The following OPA1 variants were observed in gnomAD, a reference collection of about 807,000 sequenced individuals.
The protein encoded by OPA1 is dynamin-like GTPase OPA1, mitochondrial.
In OPA1, 59 loss-of-function variants were observed where a neutral mutation model predicts 152.9. The ratio of observed to expected loss-of-function variants is 0.39; its 90% CI spans 0.31 to 0.48. The LOEUF (loss-of-function observed/expected upper bound fraction) is 0.48. Among genes scored for constraint, OPA1 ranks in the 20% least tolerant of loss-of-function variants. The probability of loss-of-function intolerance (pLI) is 0.96; values close to 1 mark genes in which losing one functional copy is unlikely to be tolerated. For missense variants in OPA1, 1,008 were observed against 1,216.8 expected (o/e 0.83, Z 2.55); for synonymous variants, 400 against 389.9 (o/e 1.03, Z -0.31).
At chr3:193,633,774 C>A (rs1732483216) in intron 8 of OPA1, among the ~76,000 whole-genome samples, 2 of 152,216 alleles carry the variant, frequency 1.3e-5, no homozygotes, top group Non-Finnish European at 2.9e-5. Context: ...AACCTCACTT[C>A]AGGCCAGCCA....
intron 1 of OPA1, among the ~76,000 whole-genome samples, chr3:193,607,168 C>T (rs1445827772): frequency 6.6e-6 from 1 of 152,164 alleles, no homozygotes; most frequent in Non-Finnish European, 1.5e-5. Context: ...TGGATATTAG[C>T]CCTTTGTCAG....
rs2887062 is a variant in OPA1, at chr3:193,596,335, C to T, written c.32+2926C>T. Among the ~76,000 whole-genome samples the T allele has an allele frequency of 3.9e-3, 490 of 126,576 alleles. 1 individual carries two copies. The highest frequency in any genetic ancestry group is 6.0e-3 in the Non-Finnish European group (349 of 57,854). The allele number at this position is 126,576 out of a possible 152,430, so 83.0% of individuals were successfully genotyped here. On this transcript the variant is annotated intron_variant, in intron 1 of 30. Transcript: ENST00000361510. ...CCTTTCCTTTCCTTTCCTTTCCTTT[C>T]CTTTTCTTTTCTTTTCTTTTCTTTT...
intron 29 of OPA1, among the ~76,000 whole-genome samples, chr3:193,678,314 G>GTT (rs368565789): frequency 6.2e-5 from 9 of 145,634 alleles, no homozygotes; most frequent in African/African-American, 2.0e-4. Context: ...GAATTTGAGG[G>GTT]TTTTTTTTTT....
intron 1 of OPA1, chr3:193,596,893 CTAT>C (rs1725695692): frequency 6.6e-6 from 1 of 152,170 alleles, no homozygotes; most frequent in Non-Finnish European, 1.5e-5. Flanking sequence ...TGTGAATTCC[CTAT>C]TAACACCAAA....
chr3:193,620,071 G>T (rs532686452), intron 6 of OPA1, among the ~76,000 whole-genome samples: 15 of 151,962 alleles, frequency 9.9e-5, no homozygotes, highest in African/African-American at 3.6e-4. Context: ...ATGCTACTGG[G>T]GGAAAAAAAA....
At chr3:193,679,911 A>G (rs1458458759) in intron 29 of OPA1, among the ~76,000 whole-genome samples, 1 of 152,200 alleles carries the variant, frequency 6.6e-6, no homozygotes, top group African/African-American at 2.4e-5. Flanking sequence ...TTAGTTTAGA[A>G]GTTATTTTTA....
chr3:193,600,037 A>G (rs1421777501), intron 1 of OPA1, among the ~76,000 whole-genome samples: 1 of 152,208 alleles, frequency 6.6e-6, no homozygotes, highest in East Asian at 1.9e-4. Flanking sequence ...CTGTTATTAC[A>G]GATGCATACT....
intron 1 of OPA1, among the ~76,000 whole-genome samples, chr3:193,599,512 T>C (rs1726140642): frequency 6.6e-6 from 1 of 152,032 alleles, no homozygotes; most frequent in South Asian, 2.1e-4. Flanking sequence ...CAAGGTGCAG[T>C]ATCATCCTGG....
At position 193,659,065 on chromosome 3, in the gene OPA1, A is replaced by T. The variant is rs575302928; in HGVS notation, c.2440+70A>T. 2.1e-5 allele frequency: 21 copies of T among 978,642 alleles called. No homozygotes were observed. The African/African-American group carries it at 2.5e-4, about 12-fold the overall frequency. 60.6% of individuals were successfully genotyped at this position (978,642 alleles called of 1,614,324 possible). A position where few individuals can be genotyped will look rare whatever the true frequency, so the allele number is the denominator to read the frequency against. On this transcript the variant is annotated intron_variant, in intron 24 of 30. Transcript: ENST00000361510. ...AAGGAGTCATCCAACTTTAGTGAAC[A>T]TTTGTAGAAATAGATTGAACATTTC...
At chr3:193,692,600 C>G (rs1721836188) in intron 30 of OPA1, among the ~76,000 whole-genome samples, 1 of 152,098 alleles carries the variant, frequency 6.6e-6, no homozygotes, top group Admixed American at 6.5e-5. Context: ...AGTGTTTTTC[C>G]TACTTAATTT....
chr3:193,664,932 T>C lies in OPA1; in HGVS notation c.2714T>C (p.Leu905Pro). The C allele has an allele frequency of 6.2e-7, 1 of 1,609,404 alleles. No homozygotes were observed. The highest frequency in any genetic ancestry group is 8.5e-7 in the Non-Finnish European group (1 of 1,176,224). Reference sequence around the variant, plus strand: ...AGAAGACATTTTTTAAAAACAGCTCTAAACCATTGTAACCTTTGTCGAAGA... The same window carrying C: ...AGAAGACATTTTTTAAAAACAGCTCCAAACCATTGTAACCTTTGTCGAAGA... ...VYRRHFLKTA[L>P]NHCNLCRRGF... Residue 905 changes from leucine to proline, a missense_variant, in exon 27 of 31, where the codon CTA becomes CCA. By Grantham distance (98) the Leu-to-Pro change is moderately conservative. Transcript: ENST00000361510.
At chr3:193,662,703 T>G in intron 25 of OPA1, 119 bp from the exon 26 acceptor site, 1 of 810,576 alleles carries the variant, frequency 1.2e-6, no homozygotes, top group South Asian at 1.7e-5. Flanking sequence ...TCTTGTTTGT[T>G]GTGATTAAGC....
intron 1 of OPA1, among the ~76,000 whole-genome samples, chr3:193,602,463 A>G (rs1726610397): frequency 6.6e-6 from 1 of 152,182 alleles, no homozygotes; most frequent in Non-Finnish European, 1.5e-5. Context: ...CTTTGGCGTA[A>G]TACATTAAAG....
At chr3:193,632,776 G>A (rs1430241835) in intron 8 of OPA1, among the ~76,000 whole-genome samples, 3 of 151,994 alleles carry the variant, frequency 2.0e-5, no homozygotes, top group Admixed American at 6.6e-5. Flanking sequence ...AGGCTAAGGC[G>A]GGAGGATCAC....
In OPA1 at chr3:193,618,949, G is replaced by C. The variant is rs561115644; in HGVS notation, c.678+13G>C. On this transcript the variant is annotated intron_variant, in intron 6 of 30. Transcript: ENST00000361510. Reference sequence around the variant, plus strand: ...GCATTTTAGAAAGGTAAGTGTAAAAGAGAATTGTTCATGTAGGTAGTCTTG... The same window carrying C: ...GCATTTTAGAAAGGTAAGTGTAAAACAGAATTGTTCATGTAGGTAGTCTTG... The C allele has an allele frequency of 8.6e-5, 138 of 1,605,502 alleles. No individual in the cohort carries two copies. In the East Asian group the frequency reaches 2.3e-3, roughly 26 times the overall value.
intron 6 of OPA1, 70 bp downstream of exon 6, chr3:193,619,006 A>G: frequency 8.2e-7 from 1 of 1,216,868 alleles, no homozygotes; most frequent in Non-Finnish European, 1.2e-6. Context: ...CTTCTTTGGA[A>G]GATTTTAAAA....
intron 29 of OPA1, among the ~76,000 whole-genome samples, chr3:193,687,740 C>T (rs1450947500): frequency 6.6e-6 from 1 of 152,154 alleles, no homozygotes; most frequent in Admixed American, 6.5e-5. Context: ...AGTATACAGA[C>T]ATTCTTGGAA....
rs1463711239 is a variant in OPA1 at position 193,635,530 on chromosome 3, A to G, written c.948+8A>G. On this transcript the variant is annotated splice_region_variant and intron_variant, in intron 9 of 30. Coordinates refer to ENST00000361510, the MANE Select transcript of OPA1 (RefSeq NM_130837.3). ...CATCATAGAAAGCTTAAGGTATTCTAAGTTTGTCTTGTTTATTCTCAAAAT... is the reference window on the plus strand; with the variant it reads ...CATCATAGAAAGCTTAAGGTATTCTGAGTTTGTCTTGTTTATTCTCAAAAT... 8 of 1,537,504 alleles carry G rather than the reference A, an allele frequency of 5.2e-6. No homozygotes were observed. The South Asian group carries it at 5.6e-5, about 11-fold the overall frequency.
intron 29 of OPA1, among the ~76,000 whole-genome samples, chr3:193,681,656 C>T (rs1720153229): frequency 6.6e-6 from 1 of 152,208 alleles, no homozygotes; most frequent in South Asian, 2.1e-4. Flanking sequence ...ATTTTCCCAA[C>T]AGCCATGTGC....
Sources: gnomAD v4.1 joint callset for allele counts (sites outside exome capture counted in the v4.1 genomes callset) on GRCh38, gnomAD v4.1.1 for gene constraint, MANE v1.5 for transcripts, NCBI Gene and HGNC (gene_info 2026-07-23, HGNC 2026-07-21) for gene names.